The following ZDHHC17 variants were observed in gnomAD, a reference collection of about 807,000 sequenced individuals.
ZDHHC17 encodes palmitoyltransferase ZDHHC17.
Under a neutral mutation model 90.3 loss-of-function variants are expected in ZDHHC17, and 40 were observed. The ratio of observed to expected loss-of-function variants is 0.44; its 90% CI spans 0.34 to 0.58. The LOEUF (loss-of-function observed/expected upper bound fraction) is 0.58. ZDHHC17 is among the 20% of genes least tolerant of loss of function. The pLI is 0.01. For missense variants in ZDHHC17, 614 were observed against 780.8 expected (o/e 0.79, Z 2.55); for synonymous variants, 235 against 252.4 (o/e 0.93, Z 0.65).
chr12:76,805,127 T>C (rs1175146712), intron 2 of ZDHHC17, among the ~76,000 whole-genome samples, 190 bp from the exon 3 acceptor site: 7 of 152,196 alleles, frequency 4.6e-5, no homozygotes, highest in Non-Finnish European at 8.8e-5. Flanking sequence ...AAGTGAGACA[T>C]TTTAGAACTG....
chr12:76,787,156 A>G (rs1952696888), intron 1 of ZDHHC17, among the ~76,000 whole-genome samples: 1 of 152,198 alleles, frequency 6.6e-6, no homozygotes, highest in South Asian at 2.1e-4. Flanking sequence ...CCTAATGGAA[A>G]TGTCACCACG....
intron 10 of ZDHHC17, among the ~76,000 whole-genome samples, chr12:76,839,082 A>G (rs1237035071): frequency 6.6e-6 from 1 of 152,182 alleles, no homozygotes; most frequent in African/African-American, 2.4e-5. Context: ...TCTACTTTAT[A>G]TAAGGAAGGC....
intron 1 of ZDHHC17, among the ~76,000 whole-genome samples, chr12:76,768,713 G>C (rs1176986674): frequency 6.6e-6 from 1 of 152,160 alleles, no homozygotes; most frequent in Non-Finnish European, 1.5e-5. Context: ...TTACCTACTA[G>C]TACATCCTCA....
intron 5 of ZDHHC17, 143 bp downstream of exon 5, chr12:76,810,000 A>G (rs1410858320): frequency 1.2e-6 from 1 of 841,322 alleles, no homozygotes; most frequent in Non-Finnish European, 1.8e-6. Flanking sequence ...TGAGTTTGAT[A>G]TGGAGATATT....
At chr12:76,788,032 G>A (rs761799486) in intron 1 of ZDHHC17, among the ~76,000 whole-genome samples, 12 of 152,162 alleles carry the variant, frequency 7.9e-5, no homozygotes, top group Non-Finnish European at 1.0e-4. Flanking sequence ...TGATGATCAC[G>A]TCTGTGCATA....
At chr12:76,781,953 G>A (rs1023663324) in intron 1 of ZDHHC17, among the ~76,000 whole-genome samples, 8 of 152,112 alleles carry the variant, frequency 5.3e-5, no homozygotes, top group Non-Finnish European at 1.0e-4. Flanking sequence ...GTTTTTTCTT[G>A]TCACCTTAGC....
chr12:76,834,974 T>C (rs938686365), intron 10 of ZDHHC17, among the ~76,000 whole-genome samples: 1 of 151,258 alleles, frequency 6.6e-6, no homozygotes, highest in African/African-American at 2.4e-5. Flanking sequence ...CTCAGGAATA[T>C]CTTAGCTCTT....
chr12:76,837,914 A>C (rs1953388354), intron 10 of ZDHHC17, among the ~76,000 whole-genome samples: 2 of 152,086 alleles, frequency 1.3e-5, no homozygotes, highest in Admixed American at 1.3e-4. Flanking sequence ...TAGCCTCCTG[A>C]GTAGCTGGAA....
intron 14 of ZDHHC17, among the ~76,000 whole-genome samples, chr12:76,847,778 G>C (rs1953512718): frequency 6.6e-6 from 1 of 151,992 alleles, no homozygotes; most frequent in Non-Finnish European, 1.5e-5. Context: ...GGATTGCTTG[G>C]GTCCAGGAGG....
Position 76,828,381 on chromosome 12 carries a change from G to T in ZDHHC17, c.1041-9G>T. The stretch of plus-strand genomic sequence containing the variant: ...AGAGCTCATATTTTATAAAACTTGT[G>T]TTTTACAGATCCTTTTTCGATCATT... On this transcript the variant is annotated splice_polypyrimidine_tract_variant and intron_variant, in intron 9 of 16. Coordinates refer to ENST00000426126, the MANE Select transcript of ZDHHC17 (RefSeq NM_015336.4). The T allele has an allele frequency of 6.3e-7, 1 of 1,582,814 alleles. No homozygotes were observed. The highest frequency in any genetic ancestry group is 8.6e-7 in the Non-Finnish European group (1 of 1,168,790).
At chr12:76,849,323 C>CAACAAAA in intron 15 of ZDHHC17, 53 bp from the exon 16 acceptor site, 1 of 452,136 alleles carries the variant, frequency 2.2e-6, no homozygotes, top group Non-Finnish European at 3.2e-6. Context: ...GGTCCTGTCT[C>CAACAAAA]AAAAAAAAAA....
At chr12:76,832,354 T>C (rs1189672026) in intron 10 of ZDHHC17, among the ~76,000 whole-genome samples, 2 of 152,260 alleles carry the variant, frequency 1.3e-5, no homozygotes, top group Admixed American at 6.5e-5. Context: ...TGGCTACATA[T>C]GTAATTAAAA....
intron 16 of ZDHHC17, 81 bp downstream of exon 16, chr12:76,849,551 T>A: frequency 1.2e-6 from 1 of 806,260 alleles, no homozygotes; most frequent in Non-Finnish European, 1.9e-6. Context: ...CTTAGTGATA[T>A]GTAAAATAGC....
intron 10 of ZDHHC17, among the ~76,000 whole-genome samples, chr12:76,831,338 GGTTTTGTTTT>G (rs370007185): frequency 1.3e-5 from 2 of 151,722 alleles, no homozygotes; most frequent in African/African-American, 4.8e-5. Context: ...TTTTGTGTTG[GGTTTTGTTTT>G]GTTTTGTTTT....
Position 76,853,233 on chromosome 12 carries a change from C to T in ZDHHC17, c.*2248C>T, listed in dbSNP as rs149480800. The T allele has an allele frequency of 6.6e-6, 1 of 152,200 alleles. No individual in the cohort carries two copies. Among genetic ancestry groups the T allele is most frequent in the African/African-American group, 2.4e-5 (1 of 41,418 alleles). 9.4% of individuals were successfully genotyped at this position (152,200 alleles called of 1,614,324 possible). On this transcript the variant is annotated 3_prime_UTR_variant, in exon 17 of 17. Coordinates refer to ENST00000426126, the MANE Select transcript of ZDHHC17 (RefSeq NM_015336.4). ...GTGAAATCTATAACTCAGAAATGGT[C>T]AGATGGTCAGGAGCCAGCTATGCAG...
chr12:76,843,768 C>T (rs1350702778), intron 12 of ZDHHC17: 1 of 151,998 alleles, frequency 6.6e-6, no homozygotes. Context: ...CTCTTTTATA[C>T]TTATACACTG....
intron 1 of ZDHHC17, among the ~76,000 whole-genome samples, chr12:76,776,320 T>A (rs1334738047): frequency 6.6e-6 from 1 of 152,136 alleles, no homozygotes; most frequent in Non-Finnish European, 1.5e-5. Flanking sequence ...TGTAAAAAAT[T>A]TAAGTAGTAC....
At chr12:76,786,867 G>A (rs1246317605) in intron 1 of ZDHHC17, among the ~76,000 whole-genome samples, 4 of 152,094 alleles carry the variant, frequency 2.6e-5, no homozygotes, top group Admixed American at 6.6e-5. Flanking sequence ...ATTGATCTCC[G>A]TTGCCTGCTG....
chr12:76,778,676 T>G (rs11115337), intron 1 of ZDHHC17, among the ~76,000 whole-genome samples: 1,683 of 152,378 alleles, frequency 0.011, 11 homozygotes, highest in Non-Finnish European at 0.017. Context: ...TGATAAGTCA[T>G]TGTCATGTTA....
Sources: gnomAD v4.1 joint callset for allele counts (sites outside exome capture counted in the v4.1 genomes callset) on GRCh38, gnomAD v4.1.1 for gene constraint, MANE v1.5 for transcripts, NCBI Gene and HGNC (gene_info 2026-07-23, HGNC 2026-07-21) for gene names.